ZFHX3: variants seen among roughly 807,000 people sequenced by gnomAD.
ZFHX3 encodes zinc finger homeobox 3.
A neutral mutation model predicts 279.1 loss-of-function variants in ZFHX3; 42 were observed. That is an observed-to-expected ratio of 0.15 (90% CI 0.12 to 0.19). The LOEUF (loss-of-function observed/expected upper bound fraction) is 0.19, where lower values mean the gene tolerates loss of function less well. Among genes scored for constraint, ZFHX3 ranks in the 10% least tolerant of loss-of-function variants. The pLI is 1.00. For missense variants in ZFHX3, 4,981 were observed against 4,754.0 expected (o/e 1.05, Z -1.40); for synonymous variants, 2,293 against 1,957.8 (o/e 1.17, Z -4.52).
intron 1 of ZFHX3, among the ~76,000 whole-genome samples, chr16:73,707,199 TAAGCTGA>T (rs761840839): frequency 1.5e-4 from 23 of 152,202 alleles, no homozygotes; most frequent in Non-Finnish European, 3.4e-4. Flanking sequence ...CCCTGTGATT[TAAGCTGA>T]AACCACTCTC....
intron 2 of ZFHX3, among the ~76,000 whole-genome samples, chr16:73,575,649 A>C (rs932206921): frequency 6.6e-6 from 1 of 152,006 alleles, no homozygotes; most frequent in Non-Finnish European, 1.5e-5. Context: ...GGGGGAGAAA[A>C]TCTGTGCTCC....
intron 3 of ZFHX3, among the ~76,000 whole-genome samples, chr16:73,411,501 CTTT>C (rs1342074656): frequency 2.0e-5 from 3 of 151,932 alleles, no homozygotes. Flanking sequence ...ATTTATACTT[CTTT>C]GTTTTTTTTC....
At chr16:73,484,299 A>T (rs912543331) in intron 2 of ZFHX3, among the ~76,000 whole-genome samples, 10 of 152,170 alleles carry the variant, frequency 6.6e-5, no homozygotes, top group African/African-American at 2.2e-4. Context: ...TCACTCCCAA[A>T]GAGTCTAAAG....
At chr16:73,057,701 T>A (rs7202196) in intron 1 of ZFHX3, among the ~76,000 whole-genome samples, 5 of 151,636 alleles carry the variant, frequency 3.3e-5, no homozygotes, top group East Asian at 1.9e-4. Flanking sequence ...CAGGGCAGAG[T>A]CCCCTCTGGG....
chr16:73,872,054 C>T (rs1205803065), intron 1 of ZFHX3, among the ~76,000 whole-genome samples: 2 of 152,206 alleles, frequency 1.3e-5, no homozygotes, highest in Non-Finnish European at 2.9e-5. Context: ...TCAATATTCA[C>T]ATTTTGAATT....
chr16:73,651,641 C>T (rs2052671895), intron 2 of ZFHX3, among the ~76,000 whole-genome samples: 1 of 139,772 alleles, frequency 7.2e-6, no homozygotes, highest in Non-Finnish European at 1.5e-5. Flanking sequence ...TCGAGACCAT[C>T]CTGGCTAACA....
rs1961493810 is a variant in ZFHX3 at position 72,959,982 on chromosome 16, G to A, written c.164C>T (p.Ala55Val). ...CTCCGCGAGGCGCTCATTGAAGGGG[G>A]CCCTCAGGCTGTCCAAGGGCCCGTG... Reference protein sequence around the residue: ...ESHGPLDSLRAPFNERLAEST... With the variant: ...ESHGPLDSLRVPFNERLAEST... The change falls in exon 2 of 10, where the codon GCC becomes GTC. Residue 55 changes from alanine to valine, a missense_variant. Physicochemically the swap from Ala to Val is moderately conservative, Grantham distance 64. Coordinates refer to ENST00000268489, the MANE Select transcript of ZFHX3 (RefSeq NM_006885.4). The A allele has an allele frequency of 6.2e-7, 1 of 1,612,608 alleles. No individual in the cohort carries two copies. Among genetic ancestry groups the A allele is most frequent in the Non-Finnish European group, 8.5e-7 (1 of 1,179,210 alleles).
intron 2 of ZFHX3, among the ~76,000 whole-genome samples, chr16:73,619,698 T>A (rs930829878): frequency 2.0e-5 from 3 of 151,876 alleles, no homozygotes; most frequent in African/African-American, 7.3e-5. Context: ...CAGACATTCT[T>A]CCCTCCAGCT....
At chr16:73,647,779 T>C (rs1186572523) in intron 2 of ZFHX3, among the ~76,000 whole-genome samples, 1 of 152,138 alleles carries the variant, frequency 6.6e-6, no homozygotes, top group Non-Finnish European at 1.5e-5. Flanking sequence ...TGCCTACTGA[T>C]GCATGTTCCC....
intron 1 of ZFHX3, among the ~76,000 whole-genome samples, chr16:73,848,995 T>C (rs1042408456): frequency 6.6e-6 from 1 of 152,248 alleles, no homozygotes; most frequent in Admixed American, 6.5e-5. Flanking sequence ...TTCAGTTCAC[T>C]GGTATTTTTA....
chr16:72,863,377 G>A (rs186927029), intron 4 of ZFHX3, among the ~76,000 whole-genome samples: 1 of 144,882 alleles, frequency 6.9e-6, no homozygotes, highest in East Asian at 2.0e-4. Flanking sequence ...ATTTAGCCAG[G>A]CATGATGGTG....
At chr16:73,032,686 G>GAAA (rs35908833) in intron 1 of ZFHX3, among the ~76,000 whole-genome samples, 1 of 146,478 alleles carries the variant, frequency 6.8e-6, no homozygotes. Flanking sequence ...AAAAGAACAG[G>GAAA]AAAAAAAAAA....
At position 72,785,871 on chromosome 16, in the gene ZFHX3, C is replaced by CTTTG. The variant is rs1354370332; in HGVS notation, c.*1292_*1293insCAAA. Reference sequence around the variant, plus strand: ...ATAAAAAATAAATGCACAAAGCTAACAGACACAGGTAACTAGAATTATATG... The same window carrying CTTTG: ...ATAAAAAATAAATGCACAAAGCTAACTTTGAGACACAGGTAACTAGAATTATATG... On this transcript the variant is annotated 3_prime_UTR_variant, in exon 10 of 10. Transcript: ENST00000268489. 1.3e-5 allele frequency: 2 copies of CTTTG among 152,146 alleles called. No individual in the cohort carries two copies. The highest frequency in any genetic ancestry group is 2.4e-5 in the African/African-American group (1 of 41,450). 9.4% of individuals were successfully genotyped at this position (152,146 alleles called of 1,614,324 possible). A position where few individuals can be genotyped will look rare whatever the true frequency, so the allele number is the denominator to read the frequency against.
At chr16:73,093,503 T>A (rs755564803) in exon 8 of ZFHX3, 2 of 502,886 alleles carry the variant, frequency 4.0e-6, no homozygotes, top group Admixed American at 4.1e-5. Flanking sequence ...AGAGATGGAG[T>A]CATAGCTGCG....
intron 1 of ZFHX3, among the ~76,000 whole-genome samples, chr16:73,852,584 C>T: frequency 6.6e-6 from 1 of 152,144 alleles, no homozygotes; most frequent in East Asian, 1.9e-4. Flanking sequence ...GACATGATCT[C>T]ATCTTTGACA....
intron 1 of ZFHX3, among the ~76,000 whole-genome samples, chr16:73,776,359 G>C (rs1189975421): frequency 2.0e-5 from 3 of 152,066 alleles, no homozygotes; most frequent in Non-Finnish European, 2.9e-5. Context: ...AGACAGCTAA[G>C]ACGACATGCC....
intron 3 of ZFHX3, among the ~76,000 whole-genome samples, chr16:72,940,180 G>T (rs947227795): frequency 6.6e-6 from 1 of 152,138 alleles, no homozygotes; most frequent in African/African-American, 2.4e-5. Context: ...CCTGTGTTGA[G>T]TTTACAGGTG....
At chr16:72,964,668 T>TA (rs11314455) in intron 1 of ZFHX3, among the ~76,000 whole-genome samples, 17 of 143,164 alleles carry the variant, frequency 1.2e-4, no homozygotes, top group East Asian at 2.1e-4. Flanking sequence ...TTGGTCTATT[T>TA]AAAAAAAAAA....
intron 2 of ZFHX3, among the ~76,000 whole-genome samples, chr16:73,545,086 G>A (rs998614905): frequency 3.3e-5 from 5 of 152,028 alleles, no homozygotes; most frequent in Non-Finnish European, 7.4e-5. Context: ...AACACAAAGG[G>A]AATTTGCTCT....
Sources: gnomAD v4.1 joint callset for allele counts (sites outside exome capture counted in the v4.1 genomes callset) on GRCh38, gnomAD v4.1.1 for gene constraint, MANE v1.5 for transcripts, NCBI Gene and HGNC (gene_info 2026-07-23, HGNC 2026-07-21) for gene names.